PSPH: variants seen among roughly 807,000 people sequenced by gnomAD.
The protein encoded by PSPH is L-3-phosphoserine phosphatase.
Under a neutral mutation model 23.4 loss-of-function variants are expected in PSPH, and 16 were observed. The observed-to-expected ratio is 0.68, with a 90% CI of 0.46 to 1.04. The LOEUF (loss-of-function observed/expected upper bound fraction) is 1.04. Among genes scored for constraint, PSPH ranks in the 50% least tolerant of loss-of-function variants. PSPH has a pLI of 0.00. For missense variants in PSPH, 223 were observed against 273.7 expected, an observed-to-expected ratio of 0.81 and a Z score of 1.31; for synonymous variants, 68 against 99.7, an observed-to-expected ratio of 0.68 and a Z score of 1.89.
intron 3 of PSPH, among the ~76,000 whole-genome samples, chr7:56,029,187 A>G (rs535731642): frequency 6.6e-6 from 1 of 152,200 alleles, no homozygotes; most frequent in Admixed American, 6.6e-5. Context: ...TCTCGTGGCT[A>G]TAGGGGGAAA....
intron 7 of PSPH, among the ~76,000 whole-genome samples, chr7:56,013,009 T>C (rs1303512230): frequency 6.6e-6 from 1 of 150,390 alleles, no homozygotes; most frequent in African/African-American, 2.4e-5. Flanking sequence ...CATTTGATTA[T>C]ATATATACAC....
intron 2 of PSPH, chr7:56,033,417 G>C (rs1458022663): frequency 6.6e-6 from 1 of 150,404 alleles, no homozygotes; most frequent in African/African-American, 2.4e-5. Flanking sequence ...AGAATCCCTT[G>C]AACCCTGTAG....
chr7:56,032,161 C>T (rs915777129), intron 2 of PSPH, 107 bp from the exon 3 acceptor site: 2 of 152,178 alleles, frequency 1.3e-5, no homozygotes, highest in Non-Finnish European at 2.9e-5. Context: ...AAAAATGGGT[C>T]AGAGGCAAAA....
intron 3 of PSPH, 35 bp downstream of exon 3, chr7:56,031,894 C>G (rs1418636518): frequency 6.5e-6 from 1 of 153,304 alleles, no homozygotes; most frequent in African/African-American, 2.4e-5. Flanking sequence ...AGCAAAAAAC[C>G]AAAACAAAAC....
rs561389193 is a variant in PSPH, at chr7:56,013,243, G to T, written c.571-1374C>A. On this transcript the variant is annotated intron_variant, in intron 7 of 7. Transcript: ENST00000275605. ...GCTTAGAAATAAAATCCCTGGCCGG[G>T]CATGTTGGCTCACACCTGTAATCCC... 5.3e-5 allele frequency among the ~76,000 whole-genome samples: 8 copies of T among 151,500 alleles called. 1 individual carries two copies. Among genetic ancestry groups the T allele is most frequent in the African/African-American group, 1.9e-4 (8 of 41,386 alleles).
intron 1 of PSPH, among the ~76,000 whole-genome samples, chr7:56,044,784 GAC>G (rs1279646046): frequency 2.6e-5 from 4 of 151,850 alleles, no homozygotes; most frequent in Non-Finnish European, 5.9e-5. Context: ...TAGCCTAGGT[GAC>G]ACAGTGAGAC....
chr7:56,017,148 G>A, intron 6 of PSPH, 86 bp downstream of exon 6: 3 of 1,577,692 alleles, frequency 1.9e-6, no homozygotes, highest in Non-Finnish European at 2.6e-6. Context: ...TGATGTGACT[G>A]TTCAAGTTGC....
intron 1 of PSPH, among the ~76,000 whole-genome samples, chr7:56,049,551 G>T (rs547806163): frequency 4.0e-5 from 6 of 151,838 alleles, no homozygotes; most frequent in African/African-American, 1.4e-4. Flanking sequence ...TGATTCTCCC[G>T]CCTCAGCCTC....
At chr7:56,021,559 C>T (rs1308854891) in intron 3 of PSPH, among the ~76,000 whole-genome samples, 5 of 124,716 alleles carry the variant, frequency 4.0e-5, no homozygotes, top group Admixed American at 4.0e-4. Flanking sequence ...GCTCAAATAC[C>T]TGTGCCTCCT....
chr7:56,021,730 C>T (rs1481778335), intron 3 of PSPH, among the ~76,000 whole-genome samples: 4 of 149,676 alleles, frequency 2.7e-5, no homozygotes, highest in East Asian at 2.0e-4. Context: ...GGGCGGATCA[C>T]GAGGTCAGGA....
chr7:56,037,288 A>T (rs1403581421), intron 1 of PSPH, among the ~76,000 whole-genome samples: 5 of 152,238 alleles, frequency 3.3e-5, no homozygotes, highest in African/African-American at 1.2e-4. Context: ...AATAGCACAT[A>T]AGAACCAAAT....
At chr7:56,030,040 C>A (rs1355314079) in intron 3 of PSPH, among the ~76,000 whole-genome samples, 1 of 149,992 alleles carries the variant, frequency 6.7e-6, no homozygotes, top group Non-Finnish European at 1.5e-5. Context: ...GGTTCTGAAT[C>A]AGAGGAGAGT....
intron 5 of PSPH, among the ~76,000 whole-genome samples, chr7:56,018,067 T>C (rs937165348): frequency 6.9e-6 from 1 of 143,942 alleles, no homozygotes; most frequent in African/African-American, 2.5e-5. Flanking sequence ...GGGTAGGGGC[T>C]GGGCGTGGTG....
Position 56,020,391 on chromosome 7 carries a change from C to T in PSPH, c.141-657G>A, listed in dbSNP as rs113018994. On this transcript the variant is annotated intron_variant, in intron 4 of 7. Transcript: ENST00000275605. ...CCTGTAATCCCAGCACTTTGGTAGCCCAAGGTGGGCGGATCACGAGGTCAG... is the reference window on the plus strand; with the variant it reads ...CCTGTAATCCCAGCACTTTGGTAGCTCAAGGTGGGCGGATCACGAGGTCAG... Among the ~76,000 whole-genome samples, 184 of 152,140 alleles carry T rather than the reference C, an allele frequency of 1.2e-3. 4 individuals are homozygous for T. Among genetic ancestry groups the T allele is most frequent in the African/African-American group, 4.2e-3 (174 of 41,522 alleles).
At chr7:56,029,941 T>A (rs1790723837) in intron 3 of PSPH, among the ~76,000 whole-genome samples, 1 of 139,412 alleles carries the variant, frequency 7.2e-6, no homozygotes. Context: ...TGTGCCACAC[T>A]GCAGTCTAGC....
intron 1 of PSPH, among the ~76,000 whole-genome samples, chr7:56,044,472 G>A (rs1262635458): frequency 6.6e-6 from 1 of 152,104 alleles, no homozygotes; most frequent in African/African-American, 2.4e-5. Context: ...AAAGATTATG[G>A]AATAAATGAA....
At chr7:56,028,182 C>A (rs923895115) in intron 3 of PSPH, among the ~76,000 whole-genome samples, 2 of 152,106 alleles carry the variant, frequency 1.3e-5, no homozygotes, top group Non-Finnish European at 2.9e-5. Context: ...ATTGTTGACA[C>A]CTGCCTCCTG....
intron 2 of PSPH, among the ~76,000 whole-genome samples, chr7:56,033,750 T>A (rs112205470): frequency 2.0e-5 from 3 of 152,296 alleles, no homozygotes; most frequent in African/African-American, 7.2e-5. Context: ...CATTCATTCA[T>A]GCTGTTTGGC....
intron 3 of PSPH, among the ~76,000 whole-genome samples, chr7:56,023,103 G>C (rs772294729): frequency 2.9e-4 from 44 of 152,100 alleles, no homozygotes; most frequent in Non-Finnish European, 5.7e-4. Flanking sequence ...GGAGAATAGA[G>C]AGAGGGAGAA....
Sources: allele counts gnomAD v4.1 joint callset (sites outside exome capture counted in the v4.1 genomes callset), GRCh38; gene constraint gnomAD v4.1.1; transcripts MANE v1.5; gene names NCBI Gene and HGNC (gene_info 2026-07-23, HGNC 2026-07-21).